Variants in RNGTT observed in about 807,000 individuals in gnomAD.
The protein encoded by RNGTT is RNA guanylyltransferase and 5'-phosphatase.
Under a neutral mutation model 79.3 loss-of-function variants are expected in RNGTT, and 33 were observed. The ratio of observed to expected loss-of-function variants is 0.42; its 90% CI spans 0.32 to 0.56. The LOEUF is 0.56. RNGTT is among the 20% of genes least tolerant of loss of function. The pLI is 0.17. For missense variants in RNGTT, 497 were observed against 739.1 expected (o/e 0.67, Z 3.80); for synonymous variants, 222 against 235.9 (o/e 0.94, Z 0.54).
intron 13 of RNGTT, among the ~76,000 whole-genome samples, chr6:88,741,201 C>A (rs9353597): frequency 0.029 from 4,396 of 152,202 alleles, 79 homozygotes; most frequent in East Asian, 0.051. Context: ...GACATAGGTG[C>A]CCATCAACAG....
At chr6:88,691,148 G>C (rs966399904) in intron 13 of RNGTT, among the ~76,000 whole-genome samples, 1 of 152,138 alleles carries the variant, frequency 6.6e-6, no homozygotes, top group Non-Finnish European at 1.5e-5. Flanking sequence ...CATGGGAATG[G>C]ATTTCCCCCT....
chr6:88,877,021 T>A (rs1424424761), intron 8 of RNGTT, among the ~76,000 whole-genome samples: 1 of 152,216 alleles, frequency 6.6e-6, no homozygotes, highest in Non-Finnish European at 1.5e-5. Context: ...TAAGGGACCT[T>A]TTTATCCTTT....
chr6:88,705,964 G>GAA (rs3839421), intron 13 of RNGTT, among the ~76,000 whole-genome samples: 40,480 of 151,784 alleles, frequency 0.27, 9,498 homozygotes, highest in African/African-American at 0.63. Context: ...GAATTATTTG[G>GAA]GGCAGTAGGA....
intron 13 of RNGTT, among the ~76,000 whole-genome samples, chr6:88,726,389 C>CAAAAAA (rs61210098): frequency 0.099 from 9,703 of 98,080 alleles, 256 homozygotes; most frequent in South Asian, 0.15. Context: ...ATCCTAAGTC[C>CAAAAAA]AAAAAAAAAA....
chr6:88,670,896 C>T (rs1238301817), intron 14 of RNGTT, among the ~76,000 whole-genome samples: 1 of 152,188 alleles, frequency 6.6e-6, no homozygotes, highest in Admixed American at 6.5e-5. Flanking sequence ...ATTAAAGCCT[C>T]TTCCTTCATA....
intron 2 of RNGTT, among the ~76,000 whole-genome samples, chr6:88,935,962 C>T (rs1226862064): frequency 2.6e-5 from 4 of 152,094 alleles, no homozygotes; most frequent in Admixed American, 2.0e-4. Flanking sequence ...TTCTTTTGCC[C>T]AGGTTGAAGT....
chr6:88,949,118 A>G (rs1346292196), intron 1 of RNGTT, among the ~76,000 whole-genome samples: 53 of 141,746 alleles, frequency 3.7e-4, no homozygotes, highest in Non-Finnish European at 7.2e-4. Flanking sequence ...TAAAAAAATA[A>G]ATTAAAAAAA....
At chr6:88,634,081 A>G (rs963453412) in intron 14 of RNGTT, among the ~76,000 whole-genome samples, 1 of 152,172 alleles carries the variant, frequency 6.6e-6, no homozygotes. Flanking sequence ...AAAAAGATAA[A>G]TGCATCATTC....
intron 13 of RNGTT, among the ~76,000 whole-genome samples, chr6:88,747,802 A>G (rs1777711800): frequency 6.6e-6 from 1 of 152,176 alleles, no homozygotes; most frequent in South Asian, 2.1e-4. Flanking sequence ...CTATGGAGCT[A>G]TACATTCATT....
chr6:88,788,585 C>T (rs1419466535), intron 12 of RNGTT, among the ~76,000 whole-genome samples: 4 of 152,204 alleles, frequency 2.6e-5, no homozygotes, highest in Admixed American at 2.6e-4. Flanking sequence ...ATCTCATCTA[C>T]AAGCACAATA....
chr6:88,823,535 T>C (rs141559822), intron 11 of RNGTT, among the ~76,000 whole-genome samples: 2 of 151,252 alleles, frequency 1.3e-5, no homozygotes, highest in African/African-American at 4.8e-5. Flanking sequence ...AAAAGACCAA[T>C]ATCCAAGATA....
At chr6:88,802,393 C>G (rs1040036766) in intron 11 of RNGTT, among the ~76,000 whole-genome samples, 1 of 152,106 alleles carries the variant, frequency 6.6e-6, no homozygotes, top group African/African-American at 2.4e-5. Flanking sequence ...ACCCCATACC[C>G]TCTAATTAAT....
At chr6:88,821,256 TA>T (rs1478364549) in intron 11 of RNGTT, among the ~76,000 whole-genome samples, 1 of 152,048 alleles carries the variant, frequency 6.6e-6, no homozygotes, top group Admixed American at 6.6e-5. Context: ...TGCAAAAAAA[TA>T]AATAAATTCT....
chr6:88,875,755 T>C (rs1353697318), intron 8 of RNGTT, among the ~76,000 whole-genome samples: 1 of 152,208 alleles, frequency 6.6e-6, no homozygotes, highest in Non-Finnish European at 1.5e-5. Flanking sequence ...ACTGTTGCTA[T>C]AGCCAAAATA....
intron 13 of RNGTT, among the ~76,000 whole-genome samples, chr6:88,767,959 C>A (rs547037572): frequency 1.3e-5 from 2 of 152,058 alleles, no homozygotes; most frequent in Non-Finnish European, 2.9e-5. Context: ...TTGAAACTAT[C>A]CTGAAAGTCA....
chr6:88,822,111 AT>A (rs1239670437), intron 11 of RNGTT, among the ~76,000 whole-genome samples: 1 of 152,182 alleles, frequency 6.6e-6, no homozygotes, highest in Non-Finnish European at 1.5e-5. Flanking sequence ...GCATTTCCTG[AT>A]TTTAACATAT....
At chr6:88,644,229 T>C (rs892952918) in intron 14 of RNGTT, among the ~76,000 whole-genome samples, 6 of 152,092 alleles carry the variant, frequency 3.9e-5, no homozygotes, top group African/African-American at 1.4e-4. Flanking sequence ...AATACCTCTA[T>C]GAAAATAAAC....
chr6:88,656,304 A>G (rs1237874403), intron 14 of RNGTT, among the ~76,000 whole-genome samples: 1 of 152,192 alleles, frequency 6.6e-6, no homozygotes, highest in Non-Finnish European at 1.5e-5. Context: ...TGCTTCATTT[A>G]TAGTATAAAA....
intron 8 of RNGTT, among the ~76,000 whole-genome samples, chr6:88,871,660 C>T (rs905808912): frequency 6.6e-6 from 1 of 152,098 alleles, no homozygotes; most frequent in African/African-American, 2.4e-5. Flanking sequence ...AGAACCCACT[C>T]GGAACCCCAG....
Sources: gnomAD v4.1 joint callset for allele counts (sites outside exome capture counted in the v4.1 genomes callset) on GRCh38, gnomAD v4.1.1 for gene constraint, MANE v1.5 for transcripts, NCBI Gene and HGNC (gene_info 2026-07-23, HGNC 2026-07-21) for gene names.